The following ELF1 variants were observed in gnomAD, a reference collection of about 807,000 sequenced individuals.
ELF1 encodes the protein ETS-related transcription factor Elf-1.
Under a neutral mutation model 59.9 loss-of-function variants are expected in ELF1, and 24 were observed. The ratio of observed to expected loss-of-function variants is 0.40; its 90% CI spans 0.29 to 0.56. The LOEUF (loss-of-function observed/expected upper bound fraction) is 0.56. Among genes scored for constraint, ELF1 ranks in the 20% least tolerant of loss-of-function variants. The pLI, the probability that ELF1 is intolerant of heterozygous loss-of-function variation, is 0.44. For missense variants in ELF1, 627 were observed against 742.2 expected, an observed-to-expected ratio of 0.84 and a Z score of 1.80; for synonymous variants, 248 against 266.2, an observed-to-expected ratio of 0.93 and a Z score of 0.67.
chr13:40,999,620 A>C (rs1393365959), intron 1 of ELF1, among the ~76,000 whole-genome samples: 1 of 152,238 alleles, frequency 6.6e-6, no homozygotes, highest in Non-Finnish European at 1.5e-5. Flanking sequence ...AATGCAAGTC[A>C]TGTAAGTGGG....
chr13:41,022,698 T>C (rs544865604), upstream of ELF1, among the ~76,000 whole-genome samples: 1 of 152,148 alleles, frequency 6.6e-6, no homozygotes, highest in Non-Finnish European at 1.5e-5. Flanking sequence ...CTGGCCAACA[T>C]GGTGAAACCG....
At chr13:41,060,949 CT>C in exon 1 of ELF1, 5 of 360,472 alleles carry the variant, frequency 1.4e-5, no homozygotes, top group South Asian at 1.1e-4. Context: ...GCCGCCGCTG[CT>C]GCTGCCCACA....
intron 1 of ELF1, among the ~76,000 whole-genome samples, chr13:40,993,521 C>A (rs10454609): frequency 1.3e-5 from 2 of 152,018 alleles, no homozygotes; most frequent in Non-Finnish European, 2.9e-5. Context: ...CTCGTTGTTG[C>A]CCAGGCTGGA....
At chr13:40,959,984 G>A (rs1871714172) in intron 2 of ELF1, among the ~76,000 whole-genome samples, 1 of 152,090 alleles carries the variant, frequency 6.6e-6, no homozygotes, top group Non-Finnish European at 1.5e-5. Flanking sequence ...TGCAAAAACA[G>A]CACAAATAAT....
At chr13:41,036,302 T>C (rs1175868603) in intron 1 of ELF1, among the ~76,000 whole-genome samples, 1 of 152,212 alleles carries the variant, frequency 6.6e-6, no homozygotes, top group East Asian at 1.9e-4. Flanking sequence ...TCTGGCTTTA[T>C]TTATTCATAT....
chr13:41,012,415 TTTTG>T (rs775574258), intron 1 of ELF1, among the ~76,000 whole-genome samples: 91 of 151,664 alleles, frequency 6.0e-4, no homozygotes, highest in Non-Finnish European at 1.1e-3. Flanking sequence ...GTTTGTTTGT[TTTTG>T]TTTTTCTGTT....
chr13:41,044,816 G>A (rs545005791), intron 1 of ELF1, among the ~76,000 whole-genome samples: 4 of 152,202 alleles, frequency 2.6e-5, no homozygotes, highest in Non-Finnish European at 4.4e-5. Context: ...CATAAAATGA[G>A]TTAGGGAAGA....
intron 2 of ELF1, among the ~76,000 whole-genome samples, chr13:40,981,110 TTA>T (rs35276254): frequency 0.19 from 29,627 of 152,086 alleles, 4,093 homozygotes; most frequent in African/African-American, 0.37. Flanking sequence ...GCATTACATA[TTA>T]TAATTGGCCT....
At chr13:41,036,174 C>T (rs529550728) in intron 1 of ELF1, among the ~76,000 whole-genome samples, 138 of 152,046 alleles carry the variant, frequency 9.1e-4, no homozygotes, top group Middle Eastern at 3.4e-3. Flanking sequence ...TCTCGGCCTC[C>T]CAAAGGGCTG....
intron 1 of ELF1, among the ~76,000 whole-genome samples, chr13:40,991,794 C>T (rs1188693953): frequency 6.6e-6 from 1 of 152,030 alleles, no homozygotes; most frequent in Non-Finnish European, 1.5e-5. Context: ...AATGACTTCT[C>T]TTATTTAAAC....
Position 40,940,954 on chromosome 13 carries a change from T to C in ELF1, c.1223A>G (p.Asp408Gly). 3 of 1,613,996 alleles carry C rather than the reference T, an allele frequency of 1.9e-6. No homozygotes were observed. The highest frequency in any genetic ancestry group is 2.2e-5 in the East Asian group (1 of 44,890). The change falls in exon 8 of 9, where the codon GAT becomes GGT. Residue 408 changes from aspartate (D) to glycine (G), a missense_variant. Asp to Gly is a moderately conservative substitution (Grantham distance 94). This residue lies in a region of ELF1 where 361 missense variants were observed against 396.1 expected (regional missense o/e 0.91). Transcript: ENST00000239882. ...CTGAACGGAAGAATTTAATGTTTCA[T>C]CCTGCATGGTACTGGTTCTAGCTGC... ...GEAARTSTMQ[D>G]ETLNSSVQSI... is the part of the protein sequence containing the mutation.
At chr13:40,959,858 A>T (rs1871705798) in intron 2 of ELF1, among the ~76,000 whole-genome samples, 1 of 152,214 alleles carries the variant, frequency 6.6e-6, no homozygotes, top group Non-Finnish European at 1.5e-5. Flanking sequence ...ATAGATGAGG[A>T]AACTGACCCA....
chr13:40,982,828 T>C (rs940107629), intron 1 of ELF1: 1 of 980,348 alleles, frequency 1.0e-6, no homozygotes, highest in Non-Finnish European at 1.2e-6. Context: ...TTAAAAAGGC[T>C]TCTGATAAGT....
At chr13:40,966,335 T>C (rs1872171559) in intron 2 of ELF1, among the ~76,000 whole-genome samples, 3 of 152,262 alleles carry the variant, frequency 2.0e-5, no homozygotes, top group Non-Finnish European at 4.4e-5. Flanking sequence ...CCCCTTTCTA[T>C]TAATTATAGA....
Position 40,932,026 on chromosome 13 carries a change from ACT to A in ELF1, c.*1397_*1398del, listed in dbSNP as rs1869440666. ...AAGAAACTTTTGCCTGAAAACAGAC[ACT>A]GAGAATTTTTATATGATTTATTTAA... On this transcript the variant is annotated 3_prime_UTR_variant, in exon 9 of 9. Transcript: ENST00000239882. The A allele has an allele frequency of 1.3e-5, 2 of 152,322 alleles. No individual in the cohort carries two copies. The highest frequency in any genetic ancestry group is 6.5e-5 in the Admixed American group (1 of 15,300). 9.4% of individuals were successfully genotyped at this position (152,322 alleles called of 1,614,324 possible). A position where few individuals can be genotyped will look rare whatever the true frequency, so the allele number is the denominator to read the frequency against.
chr13:40,955,193 G>A (rs1476992440), intron 3 of ELF1, among the ~76,000 whole-genome samples: 37 of 150,030 alleles, frequency 2.5e-4, no homozygotes, highest in African/African-American at 8.3e-4. Context: ...TCTGAGAAGT[G>A]AGGAGCCCCT....
At chr13:41,038,066 T>TG (rs11372973) in intron 1 of ELF1, among the ~76,000 whole-genome samples, 1 of 126,608 alleles carries the variant, frequency 7.9e-6, no homozygotes, top group Non-Finnish European at 1.6e-5. Context: ...GAAGAAACCT[T>TG]AAAAAAAAAA....
chr13:41,044,079 A>T (rs1041593751), intron 1 of ELF1, among the ~76,000 whole-genome samples: 2 of 152,144 alleles, frequency 1.3e-5, no homozygotes, highest in Non-Finnish European at 2.9e-5. Context: ...GAGTTCACTC[A>T]TTATTTGGTT....
At position 40,942,799 on chromosome 13, in the gene ELF1, G is replaced by A. The variant is rs189796025; in HGVS notation, c.806+153C>T. Among the ~76,000 whole-genome samples, 872 of 152,232 alleles carry A rather than the reference G, an allele frequency of 5.7e-3. 8 individuals carry two copies. Among genetic ancestry groups the A allele is most frequent in the South Asian group, 0.014 (69 of 4,816 alleles). On this transcript the variant is annotated intron_variant, in intron 7 of 8. Coordinates refer to ENST00000239882, the MANE Select transcript of ELF1 (RefSeq NM_172373.4). Reference sequence around the variant, plus strand: ...AGCCTCCCAAAGTGTTGGGATTACAGGCATGAGCCACCGCACCTGACTGAA... The same window carrying A: ...AGCCTCCCAAAGTGTTGGGATTACAAGCATGAGCCACCGCACCTGACTGAA...
Sources: allele counts gnomAD v4.1 joint callset (sites outside exome capture counted in the v4.1 genomes callset), GRCh38; gene constraint gnomAD v4.1.1; regional missense constraint gnomAD v4.1.1; transcripts MANE v1.5; gene names NCBI Gene and HGNC (gene_info 2026-07-23, HGNC 2026-07-21).